Variants in RABGAP1L observed in about 807,000 individuals in gnomAD.
RABGAP1L encodes RAB GTPase activating protein 1 like.
RABGAP1L carries 63 observed loss-of-function variants against 137.7 expected under a neutral mutation model. The observed-to-expected ratio is 0.46, with a 90% CI of 0.37 to 0.56. The LOEUF is 0.56. Ranked by LOEUF, RABGAP1L falls within the 20% of genes least tolerant of loss-of-function variation. The pLI, the probability that RABGAP1L is intolerant of heterozygous loss-of-function variation, is 0.00. For synonymous variants in RABGAP1L, 431 were observed against 433.7 expected (o/e 0.99, Z 0.08); for missense variants, 1,095 against 1,244.0 (o/e 0.88, Z 1.80).
At chr1:174,250,321 T>C (rs996140762) in intron 5 of RABGAP1L, among the ~76,000 whole-genome samples, 154 bp from the exon 6 acceptor site, 1 of 152,172 alleles carries the variant, frequency 6.6e-6, no homozygotes, top group Non-Finnish European at 1.5e-5. Flanking sequence ...ATGTAATATC[T>C]AAACAATGAT....
chr1:174,629,301 T>C (rs1673145585), intron 13 of RABGAP1L, among the ~76,000 whole-genome samples: 1 of 152,222 alleles, frequency 6.6e-6, no homozygotes, highest in Non-Finnish European at 1.5e-5. Context: ...TTTCACAAGT[T>C]CAGTACACAA....
Position 174,781,732 on chromosome 1 carries a change from T to G in RABGAP1L, c.2211+29378T>G, listed in dbSNP as rs181248235. Among the ~76,000 whole-genome samples the G allele has an allele frequency of 4.6e-5, 7 of 152,326 alleles. No individual in the cohort carries two copies. The East Asian group carries it at 1.3e-3, about 29-fold the overall frequency. On this transcript the variant is annotated intron_variant, in intron 18 of 25. Transcript: ENST00000681986. ...ATTTAAGTCTTTAATCCATCTTGAA[T>G]TAATTTTTGTATAAGGTATAAGGAA...
At chr1:174,440,143 G>T (rs1334203034) in intron 13 of RABGAP1L, among the ~76,000 whole-genome samples, 2 of 152,172 alleles carry the variant, frequency 1.3e-5, no homozygotes, top group Non-Finnish European at 1.5e-5. Context: ...ATATGAGTTG[G>T]TGGGGAGGTA....
At chr1:174,976,271 C>A in intron 22 of RABGAP1L, 89 bp downstream of exon 22, 1 of 1,127,486 alleles carries the variant, frequency 8.9e-7, no homozygotes, top group Non-Finnish European at 1.3e-6. Flanking sequence ...TAAATTTCTT[C>A]TAAATCAAAG....
At chr1:174,307,609 A>G (rs766803045) in intron 11 of RABGAP1L, among the ~76,000 whole-genome samples, 5 of 152,148 alleles carry the variant, frequency 3.3e-5, no homozygotes, top group Non-Finnish European at 7.4e-5. Context: ...TTCTGAGCAT[A>G]TTGTTTCATC....
At chr1:174,397,336 C>T (rs559532652) in intron 13 of RABGAP1L, among the ~76,000 whole-genome samples, 1 of 152,296 alleles carries the variant, frequency 6.6e-6, no homozygotes, top group East Asian at 1.9e-4. Context: ...TGGCAGATAC[C>T]TGGGCTTCAC....
chr1:174,529,605 TG>T (rs1457236102), intron 13 of RABGAP1L, among the ~76,000 whole-genome samples: 2 of 152,100 alleles, frequency 1.3e-5, no homozygotes, highest in South Asian at 2.1e-4. Context: ...CACGTCTAGG[TG>T]GGCCAATACT....
At chr1:174,756,812 C>G (rs568033046) in intron 18 of RABGAP1L, 1 of 547,722 alleles carries the variant, frequency 1.8e-6, no homozygotes, top group Non-Finnish European at 3.5e-6. Context: ...TTGCAAACTC[C>G]GGATGAGGGC....
At chr1:174,972,764 G>C (rs1029575119) in intron 21 of RABGAP1L, among the ~76,000 whole-genome samples, 1 of 139,488 alleles carries the variant, frequency 7.2e-6, no homozygotes, top group Non-Finnish European at 1.5e-5. Context: ...TGAGACAGGA[G>C]AATCTCTTGA....
intron 19 of RABGAP1L, among the ~76,000 whole-genome samples, chr1:174,879,830 T>C (rs1282857967): frequency 6.6e-6 from 1 of 152,110 alleles, no homozygotes; most frequent in Non-Finnish European, 1.5e-5. Context: ...GGTGGACCAC[T>C]CCTGTAGTCC....
chr1:174,545,887 A>G (rs911224023), intron 13 of RABGAP1L: 1 of 152,216 alleles, frequency 6.6e-6, no homozygotes, highest in Non-Finnish European at 1.5e-5. Flanking sequence ...TATTTAATAA[A>G]TATTAGCTTT....
At chr1:174,701,179 T>C (rs1318573543) in intron 16 of RABGAP1L, 2 of 1,295,326 alleles carry the variant, frequency 1.5e-6, no homozygotes, top group African/African-American at 3.1e-5. Flanking sequence ...TACCTTGCTG[T>C]TCATGCTTTT....
At chr1:174,436,114 A>G (rs1214176459) in intron 13 of RABGAP1L, among the ~76,000 whole-genome samples, 1 of 152,198 alleles carries the variant, frequency 6.6e-6, no homozygotes, top group Non-Finnish European at 1.5e-5. Context: ...CACAATAACC[A>G]TACATGTGCA....
At chr1:174,651,007 T>C (rs1189055563) in intron 14 of RABGAP1L, among the ~76,000 whole-genome samples, 2 of 150,624 alleles carry the variant, frequency 1.3e-5, no homozygotes, top group Non-Finnish European at 3.0e-5. Context: ...CTGCTTTGAA[T>C]GTGTCCCGGA....
intron 15 of RABGAP1L, among the ~76,000 whole-genome samples, chr1:174,686,648 CTTTTTTTTTT>C (rs533716511): frequency 2.1e-4 from 22 of 105,840 alleles, no homozygotes; most frequent in South Asian, 1.2e-3. Context: ...ACAAAGCAAT[CTTTTTTTTTT>C]TTTTTTTTTT....
At chr1:174,206,742 G>T (rs1023294724) in intron 1 of RABGAP1L, among the ~76,000 whole-genome samples, 1 of 152,118 alleles carries the variant, frequency 6.6e-6, no homozygotes, top group Non-Finnish European at 1.5e-5. Flanking sequence ...AATATGTTAC[G>T]TTATTTTGGG....
intron 13 of RABGAP1L, among the ~76,000 whole-genome samples, chr1:174,438,744 G>GTGTGTGTATATATATA (rs1161311071): frequency 3.1e-5 from 3 of 95,456 alleles, no homozygotes; most frequent in African/African-American, 1.4e-4. Context: ...GTGTGTGTGT[G>GTGTGTGTATATATATA]TATATATATA....
intron 18 of RABGAP1L, among the ~76,000 whole-genome samples, chr1:174,783,756 T>A (rs752314984): frequency 7.1e-6 from 1 of 141,164 alleles, no homozygotes; most frequent in Non-Finnish European, 1.5e-5. Context: ...GCCGCCAGGC[T>A]GGAGTGCAGT....
rs1273015833 is a variant in RABGAP1L, at chr1:174,492,347, A to ATTTT, written c.1710+98217_1710+98220dup. On this transcript the variant is annotated intron_variant, in intron 13 of 25. Coordinates refer to ENST00000681986, the MANE Select transcript of RABGAP1L (RefSeq NM_001366446.1). ...AGGTGCATGCCACCACGCCTGACTA[A>ATTTT]TTTTTTTTTTTTTTTTTTGAGATGG... Among the ~76,000 whole-genome samples, 52 of 124,022 alleles carry ATTTT rather than the reference A, an allele frequency of 4.2e-4. 2 individuals carry two copies. Among genetic ancestry groups the ATTTT allele is most frequent in the African/African-American group, 1.7e-3 (52 of 30,700 alleles). The allele number at this position is 124,022 out of a possible 152,430, so 81.4% of individuals were successfully genotyped here. A position where few individuals can be genotyped will look rare whatever the true frequency, so the allele number is the denominator to read the frequency against.
Sources: allele counts gnomAD v4.1 joint callset (sites outside exome capture counted in the v4.1 genomes callset), GRCh38; gene constraint gnomAD v4.1.1; transcripts MANE v1.5; gene names NCBI Gene and HGNC (gene_info 2026-07-23, HGNC 2026-07-21).